The following NPAS2 variants were observed in gnomAD, a reference collection of about 807,000 sequenced individuals.
NPAS2 encodes neuronal PAS domain protein 2.
Under a neutral mutation model 107.5 loss-of-function variants are expected in NPAS2, and 23 were observed. That is an observed-to-expected ratio of 0.21 (90% CI 0.15 to 0.30). The LOEUF is 0.30. Among genes scored for constraint, NPAS2 ranks in the 10% least tolerant of loss-of-function variants. The pLI is 1.00. For synonymous variants in NPAS2, 403 were observed against 417.5 expected (o/e 0.97, Z 0.42); for missense variants, 756 against 1,043.3 (o/e 0.72, Z 3.79).
upstream of NPAS2, among the ~76,000 whole-genome samples, chr2:100,818,877 C>A (rs961294657): frequency 6.6e-6 from 1 of 152,216 alleles, no homozygotes; most frequent in East Asian, 1.9e-4. Flanking sequence ...ACCCAGGCGC[C>A]TCCCCGCTGT....
chr2:100,945,413 C>CT (rs989827816), intron 5 of NPAS2, among the ~76,000 whole-genome samples: 2 of 152,232 alleles, frequency 1.3e-5, no homozygotes, highest in African/African-American at 4.8e-5. Context: ...GCCTGGGACT[C>CT]TGTCTGCTCC....
At chr2:100,986,554 G>T (rs940946880) in intron 16 of NPAS2, 1 of 152,230 alleles carries the variant, frequency 6.6e-6, no homozygotes, top group East Asian at 1.9e-4. Flanking sequence ...AACAGTGTAT[G>T]TTGAGAATCA....
Position 100,995,572 on chromosome 2 carries a change from C to T in NPAS2, c.2465C>T (p.Pro822Leu), listed in dbSNP as rs80034641. The T allele has an allele frequency of 1.8e-3, 2,811 of 1,605,496 alleles. 43 individuals carry two copies. The African/African-American group carries it at 0.03, about 17-fold the overall frequency. Residue 822 changes from proline (P) to leucine (L), a missense_variant, in exon 21 of 21, where the codon CCG becomes CTG. Around this residue, in one of 4 missense-constraint regions of NPAS2, gnomAD observed 496 missense variants for 594.4 expected, o/e 0.83. Coordinates refer to ENST00000335681, the MANE Select transcript of NPAS2 (RefSeq NM_002518.4). ...SLSESSGLQQ[P>L]PR ...TCTGAGTCGTCAGGCCTCCAGCAGC[C>T]GCCCCGATAATGCCCCGGCACTGAA...
intron 4 of NPAS2, among the ~76,000 whole-genome samples, chr2:100,936,971 C>A (rs1684345304): frequency 7.9e-6 from 1 of 126,452 alleles, no homozygotes; most frequent in Non-Finnish European, 1.6e-5. Flanking sequence ...GACAGTGAGA[C>A]TCCATCTCAA....
At chr2:100,982,124 C>A in intron 15 of NPAS2, 107 bp from the exon 16 acceptor site, 1 of 1,342,552 alleles carries the variant, frequency 7.4e-7, no homozygotes. Context: ...CTGGGAAAGA[C>A]GGCTAAGGGA....
chr2:100,951,088 G>A (rs1389545447), intron 7 of NPAS2, among the ~76,000 whole-genome samples: 1 of 152,132 alleles, frequency 6.6e-6, no homozygotes, highest in Non-Finnish European at 1.5e-5. Flanking sequence ...AGATGGGAGG[G>A]TAGGACCCAG....
chr2:100,954,859 G>GT (rs201270741), intron 7 of NPAS2, among the ~76,000 whole-genome samples: 5,989 of 133,398 alleles, frequency 0.045, 406 homozygotes, highest in African/African-American at 0.16. Context: ...TCATTTTTTT[G>GT]TTTTTTTTGT....
At chr2:100,942,395 G>A (rs891273060) in intron 5 of NPAS2, among the ~76,000 whole-genome samples, 4 of 150,890 alleles carry the variant, frequency 2.7e-5, no homozygotes, top group African/African-American at 9.8e-5. Context: ...CTCACCTGCT[G>A]GAAGCTCCCA....
intron 2 of NPAS2, among the ~76,000 whole-genome samples, chr2:100,915,312 T>C (rs1682812539): frequency 6.6e-6 from 1 of 152,062 alleles, no homozygotes; most frequent in African/African-American, 2.4e-5. Context: ...AAAGCGCAGA[T>C]GTAGGTAGTA....
chr2:100,951,019 G>A (rs1328564196), intron 7 of NPAS2, among the ~76,000 whole-genome samples: 1 of 152,194 alleles, frequency 6.6e-6, no homozygotes, highest in Non-Finnish European at 1.5e-5. Context: ...GGTTCTTTGG[G>A]TGAGGCAACT....
intron 4 of NPAS2, 82 bp from the exon 5 acceptor site, chr2:100,937,671 T>C: frequency 1.0e-6 from 1 of 987,836 alleles, no homozygotes; most frequent in Non-Finnish European, 1.6e-6. Flanking sequence ...GCCAGTGTCC[T>C]AAAATAGTGT....
rs751284957 is a variant in NPAS2, at chr2:100,993,475, C to T, written c.2240C>T (p.Ser747Leu). ...CCCAGCTTCCCTGCCTCCCAACCAT[C>T]GCCCCTGCAGCCTGCACAGGCCCGG... ...LHPSFPASQP[S>L]PLQPAQARQQ... Residue 747 changes from serine (S) to leucine (L), a missense_variant, in exon 20 of 21, where the codon TCG becomes TTG. Around this residue, in one of 4 missense-constraint regions of NPAS2, gnomAD observed 496 missense variants for 594.4 expected, o/e 0.83. Coordinates refer to ENST00000335681, the MANE Select transcript of NPAS2 (RefSeq NM_002518.4). 1.2e-5 allele frequency: 19 copies of T among 1,609,484 alleles called. No individual in the cohort carries two copies. The highest frequency in any genetic ancestry group is 1.6e-4 in the Middle Eastern group (1 of 6,070).
At chr2:100,835,088 G>T (rs1187648544) in intron 1 of NPAS2, among the ~76,000 whole-genome samples, 1 of 152,116 alleles carries the variant, frequency 6.6e-6, no homozygotes, top group Non-Finnish European at 1.5e-5. Flanking sequence ...TGGGAGGGGG[G>T]ACCCTGTGTT....
intron 1 of NPAS2, among the ~76,000 whole-genome samples, chr2:100,865,232 A>G (rs1279683437): frequency 6.6e-6 from 1 of 152,224 alleles, no homozygotes; most frequent in African/African-American, 2.4e-5. Context: ...ATTCTTGAAC[A>G]TAAGAACCCT....
chr2:100,844,021 G>C (rs1043388887), intron 1 of NPAS2, among the ~76,000 whole-genome samples: 1 of 152,152 alleles, frequency 6.6e-6, no homozygotes, highest in African/African-American at 2.4e-5. Flanking sequence ...TGGTGAAGAT[G>C]CCCACCCTGA....
chr2:100,971,553 GC>G (rs1440723272), intron 12 of NPAS2, among the ~76,000 whole-genome samples: 1 of 152,148 alleles, frequency 6.6e-6, no homozygotes. Context: ...TGGGGAGACT[GC>G]CCTCACGCCA....
intron 3 of NPAS2, among the ~76,000 whole-genome samples, chr2:100,926,722 T>C (rs1047746992): frequency 6.6e-6 from 1 of 152,148 alleles, no homozygotes; most frequent in Non-Finnish European, 1.5e-5. Flanking sequence ...CGAAAATATC[T>C]TCCCCCATTC....
At chr2:100,910,114 T>G (rs1682448424) in intron 2 of NPAS2, among the ~76,000 whole-genome samples, 1 of 152,206 alleles carries the variant, frequency 6.6e-6, no homozygotes, top group Non-Finnish European at 1.5e-5. Context: ...TACTAAAGCC[T>G]TTTCAATAAT....
chr2:100,956,223 CA>C (rs1025069579), intron 7 of NPAS2, among the ~76,000 whole-genome samples: 5 of 152,084 alleles, frequency 3.3e-5, no homozygotes, highest in African/African-American at 9.7e-5. Flanking sequence ...ATTTCAGATT[CA>C]GGGGGTACAT....
Sources: allele counts gnomAD v4.1 joint callset (sites outside exome capture counted in the v4.1 genomes callset), GRCh38; gene constraint gnomAD v4.1.1; regional missense constraint gnomAD v4.1.1; transcripts MANE v1.5; gene names NCBI Gene and HGNC (gene_info 2026-07-23, HGNC 2026-07-21).